The following CSMD1 variants were observed in gnomAD, a reference collection of about 807,000 sequenced individuals.
The protein encoded by CSMD1 is CUB and sushi domain-containing protein 1.
In CSMD1, 213 loss-of-function variants were observed where a neutral mutation model predicts 417.5. The ratio of observed to expected loss-of-function variants is 0.51; its 90% confidence interval spans 0.46 to 0.57. The LOEUF is 0.57. Ranked by LOEUF, CSMD1 falls within the 20% of genes least tolerant of loss-of-function variation. The pLI is 0.00. For synonymous variants in CSMD1, 2,862 were observed against 1,736.8 expected (o/e 1.65, Z -16.11); for missense variants, 6,923 against 4,529.7 (o/e 1.53, Z -15.17).
At chr8:4,760,593 A>T (rs1400899163) in intron 1 of CSMD1, among the ~76,000 whole-genome samples, 1 of 152,234 alleles carries the variant, frequency 6.6e-6, no homozygotes, top group Non-Finnish European at 1.5e-5. Flanking sequence ...AATTATACCT[A>T]TGAAAAAATA....
rs73658179 is a variant in CSMD1 at position 3,538,468 on chromosome 8, A to T, written c.1344+36477T>A. On this transcript the variant is annotated intron_variant, in intron 10 of 69. Coordinates refer to ENST00000635120, the MANE Select transcript of CSMD1 (RefSeq NM_033225.6). ...ATGATGCACCTGAGATGCCTCACCT[A>T]AGATGATACACCTGAGATGCCTCAC... Among the ~76,000 whole-genome samples the T allele has an allele frequency of 5.3e-5, 8 of 150,924 alleles. No homozygotes were observed. The South Asian group carries it at 1.7e-3, about 32-fold the overall frequency.
At chr8:4,147,217 A>G (rs1804192214) in intron 3 of CSMD1, among the ~76,000 whole-genome samples, 3 of 152,250 alleles carry the variant, frequency 2.0e-5, no homozygotes, top group Middle Eastern at 3.4e-3. Flanking sequence ...TGAAAAAGAA[A>G]GCACGCATGA....
intron 2 of CSMD1, among the ~76,000 whole-genome samples, chr8:4,457,528 A>T (rs552860380): frequency 6.6e-6 from 1 of 152,310 alleles, no homozygotes; most frequent in Non-Finnish European, 1.5e-5. Context: ...CATGTAATTA[A>T]GAAAATTTCA....
chr8:4,728,014 T>A (rs1305384907), intron 1 of CSMD1, among the ~76,000 whole-genome samples: 6 of 146,256 alleles, frequency 4.1e-5, no homozygotes, highest in Non-Finnish European at 7.5e-5. Flanking sequence ...ATACAAAATA[T>A]ATATATATTT....
intron 2 of CSMD1, among the ~76,000 whole-genome samples, chr8:4,550,643 G>A (rs910794425): frequency 6.6e-6 from 1 of 152,072 alleles, no homozygotes; most frequent in Non-Finnish European, 1.5e-5. Flanking sequence ...GATTTAAAAG[G>A]ATCTCTAACA....
At chr8:3,776,986 T>TAG (rs1584982077) in intron 5 of CSMD1, among the ~76,000 whole-genome samples, 1 of 151,888 alleles carries the variant, frequency 6.6e-6, no homozygotes, top group East Asian at 1.9e-4. Context: ...AGTGCTGGGA[T>TAG]TACATGCATG....
chr8:4,055,242 C>G (rs1295312529), intron 3 of CSMD1, among the ~76,000 whole-genome samples: 14 of 152,162 alleles, frequency 9.2e-5, no homozygotes, highest in Non-Finnish European at 1.5e-5. Context: ...AATAGGATTA[C>G]TTGCCTCAAA....
At chr8:3,985,020 G>A (rs1228429248) in intron 5 of CSMD1, among the ~76,000 whole-genome samples, 2 of 152,006 alleles carry the variant, frequency 1.3e-5, no homozygotes, top group Non-Finnish European at 2.9e-5. Context: ...CTCATAAGGT[G>A]GCTCTGACCA....
At chr8:4,377,102 T>TA (rs1227954564) in intron 3 of CSMD1, among the ~76,000 whole-genome samples, 1 of 152,238 alleles carries the variant, frequency 6.6e-6, no homozygotes, top group East Asian at 1.9e-4. Flanking sequence ...CTCTTTCTTC[T>TA]AAATTTTCAT....
At chr8:3,392,154 T>G (rs1312273143) in intron 17 of CSMD1, among the ~76,000 whole-genome samples, 2 of 151,312 alleles carry the variant, frequency 1.3e-5, no homozygotes, top group East Asian at 3.9e-4. Flanking sequence ...ATACCTAATG[T>G]TAAATGATGA....
intron 5 of CSMD1, among the ~76,000 whole-genome samples, chr8:3,777,121 T>TACAC (rs3028584): frequency 3.1e-3 from 456 of 146,604 alleles, no homozygotes; most frequent in African/African-American, 9.1e-3. Context: ...TATCTATACC[T>TACAC]ACACACACAC....
At chr8:3,000,771 G>A (rs1807330397) in intron 52 of CSMD1, among the ~76,000 whole-genome samples, 1 of 152,184 alleles carries the variant, frequency 6.6e-6, no homozygotes, top group South Asian at 2.1e-4. Flanking sequence ...ACAGCTGACA[G>A]CTGAAACTAA....
chr8:3,971,896 A>C (rs947108941), intron 5 of CSMD1, among the ~76,000 whole-genome samples: 2 of 151,620 alleles, frequency 1.3e-5, no homozygotes, highest in African/African-American at 4.9e-5. Flanking sequence ...TTTTTTGTTG[A>C]CTTTTTTGTT....
intron 26 of CSMD1, among the ~76,000 whole-genome samples, chr8:3,269,322 G>C (rs535034292): frequency 7.7e-4 from 118 of 152,336 alleles, no homozygotes; most frequent in African/African-American, 2.7e-3. Context: ...GCAGAGGGGA[G>C]CGATGGCTCC....
At chr8:4,392,521 G>C (rs1563125753) in intron 3 of CSMD1, among the ~76,000 whole-genome samples, 1 of 152,092 alleles carries the variant, frequency 6.6e-6, no homozygotes, top group African/African-American at 2.4e-5. Context: ...GTTTGTGTGT[G>C]GAGATGGGAG....
At chr8:4,929,494 A>G (rs1807092129) in intron 1 of CSMD1, among the ~76,000 whole-genome samples, 1 of 152,180 alleles carries the variant, frequency 6.6e-6, no homozygotes, top group Admixed American at 6.5e-5. Flanking sequence ...GAGATGCTGG[A>G]TATTTCAGGG....
At chr8:3,033,858 G>A (rs926442819) in intron 50 of CSMD1, among the ~76,000 whole-genome samples, 4 of 152,184 alleles carry the variant, frequency 2.6e-5, no homozygotes, top group Non-Finnish European at 4.4e-5. Context: ...ACAGTGAACT[G>A]CAACCTCACT....
intron 5 of CSMD1, among the ~76,000 whole-genome samples, chr8:3,784,532 C>A (rs899373018): frequency 1.3e-5 from 2 of 152,140 alleles, no homozygotes; most frequent in African/African-American, 2.4e-5. Context: ...TTCTAACACA[C>A]CAACTGGTCC....
chr8:3,002,914 C>T (rs187352339), intron 52 of CSMD1, among the ~76,000 whole-genome samples: 4 of 152,206 alleles, frequency 2.6e-5, no homozygotes, highest in Admixed American at 2.0e-4. Context: ...CCTTCAAAAA[C>T]ATTTCATTTT....
Sources: allele counts gnomAD v4.1 joint callset (sites outside exome capture counted in the v4.1 genomes callset), GRCh38; gene constraint gnomAD v4.1.1; transcripts MANE v1.5; gene names NCBI Gene and HGNC (gene_info 2026-07-23, HGNC 2026-07-21).